The following ALK variants were observed in gnomAD, a reference collection of about 807,000 sequenced individuals.
The protein encoded by ALK is ALK receptor tyrosine kinase.
ALK carries 74 observed loss-of-function variants against 163.1 expected under a neutral mutation model. The ratio of observed to expected loss-of-function variants is 0.45; its 90% confidence interval spans 0.38 to 0.55. The LOEUF (loss-of-function observed/expected upper bound fraction) is 0.55, where lower values mean the gene tolerates loss of function less well. Ranked by LOEUF, ALK falls within the 20% of genes least tolerant of loss-of-function variation. ALK has a pLI of 0.00. For missense variants in ALK, 2,063 were observed against 2,105.3 expected (o/e 0.98, Z 0.39); for synonymous variants, 960 against 843.2 (o/e 1.14, Z -2.40).
At chr2:29,222,164 T>G (rs1379124826) in intron 22 of ALK, among the ~76,000 whole-genome samples, 180 bp downstream of exon 22, 2 of 152,174 alleles carry the variant, frequency 1.3e-5, no homozygotes, top group African/African-American at 2.4e-5. Context: ...GAAACAACCA[T>G]CAAGGGTTGT....
intron 5 of ALK, among the ~76,000 whole-genome samples, chr2:29,370,613 CTTA>C (rs2148292709): frequency 6.6e-6 from 1 of 152,332 alleles, no homozygotes; most frequent in African/African-American, 2.4e-5. Flanking sequence ...AGACCACAGA[CTTA>C]TTATGACCAT....
At chr2:29,264,880 T>C (rs543035905) in intron 11 of ALK, among the ~76,000 whole-genome samples, 145 of 152,280 alleles carry the variant, frequency 9.5e-4, no homozygotes, top group African/African-American at 3.4e-3. Flanking sequence ...TACGCATGAT[T>C]GGAAGGGGTT....
At chr2:29,701,219 C>A (rs777697861) in intron 2 of ALK, among the ~76,000 whole-genome samples, 6 of 152,214 alleles carry the variant, frequency 3.9e-5, no homozygotes, top group Admixed American at 6.5e-5. Context: ...GATCAAGGCC[C>A]TTTATGCCTC....
intron 4 of ALK, among the ~76,000 whole-genome samples, chr2:29,429,485 T>C (rs1461671526): frequency 2.6e-5 from 4 of 152,020 alleles, no homozygotes; most frequent in African/African-American, 9.7e-5. Context: ...CTTTTTAGAA[T>C]AGTAGCATAA....
chr2:29,324,745 C>T (rs1211789168), intron 6 of ALK, among the ~76,000 whole-genome samples: 2 of 152,186 alleles, frequency 1.3e-5, no homozygotes, highest in African/African-American at 4.8e-5. Context: ...AGACCCCCTT[C>T]AGTGCATTAC....
At chr2:29,334,602 G>A (rs911947038) in intron 5 of ALK, among the ~76,000 whole-genome samples, 1 of 152,318 alleles carries the variant, frequency 6.6e-6, no homozygotes, top group East Asian at 1.9e-4. Context: ...AGCCAGTGTG[G>A]CTTCCACTCT....
At chr2:29,679,305 T>C (rs1246942456) in intron 3 of ALK, among the ~76,000 whole-genome samples, 2 of 151,916 alleles carry the variant, frequency 1.3e-5, no homozygotes, top group African/African-American at 4.8e-5. Flanking sequence ...TTTTATGTAG[T>C]CTGACAATCT....
intron 3 of ALK, among the ~76,000 whole-genome samples, chr2:29,656,106 G>T (rs1390763723): frequency 6.6e-6 from 1 of 151,976 alleles, no homozygotes; most frequent in Admixed American, 6.6e-5. Context: ...TTGATTGCAG[G>T]GCTGTGTGTG....
intron 4 of ALK, among the ~76,000 whole-genome samples, chr2:29,525,938 A>C (rs1672948237): frequency 6.6e-6 from 1 of 152,138 alleles, no homozygotes; most frequent in Non-Finnish European, 1.5e-5. Flanking sequence ...GCATTTTAGT[A>C]GTTGCTTCAA....
chr2:29,262,720 C>T (rs1460424780), intron 11 of ALK, among the ~76,000 whole-genome samples: 2 of 152,316 alleles, frequency 1.3e-5, no homozygotes, highest in Admixed American at 6.5e-5. Context: ...GAGGGACTTC[C>T]GAGTGAGCTT....
chr2:29,558,646 C>A (rs1332797077), intron 3 of ALK, among the ~76,000 whole-genome samples: 2 of 152,112 alleles, frequency 1.3e-5, no homozygotes, highest in African/African-American at 4.8e-5. Context: ...ACTTTTCCAA[C>A]TTCCTCAAGC....
intron 3 of ALK, among the ~76,000 whole-genome samples, chr2:29,662,977 G>C (rs549550172): frequency 6.6e-6 from 1 of 152,278 alleles, no homozygotes; most frequent in East Asian, 1.9e-4. Context: ...CTCAAGAGCT[G>C]TTTGATGATT....
At chr2:29,649,138 C>T (rs1676966509) in intron 3 of ALK, among the ~76,000 whole-genome samples, 1 of 150,634 alleles carries the variant, frequency 6.6e-6, no homozygotes. Flanking sequence ...TTGTGTATGC[C>T]TTTTATAGTG....
chr2:29,499,370 G>A (rs1009659464), intron 4 of ALK, among the ~76,000 whole-genome samples: 5 of 152,030 alleles, frequency 3.3e-5, no homozygotes, highest in African/African-American at 1.2e-4. Flanking sequence ...TTAATTTTTT[G>A]TATTTTTAGT....
At chr2:29,224,827 C>T (rs1434107150) in intron 19 of ALK, 2 of 216,744 alleles carry the variant, frequency 9.2e-6, no homozygotes, top group African/African-American at 4.5e-5. Context: ...CGGCAGATCC[C>T]TTTGCCTGCA....
chr2:29,668,921 G>A (rs1447804879), intron 3 of ALK, among the ~76,000 whole-genome samples: 3 of 152,040 alleles, frequency 2.0e-5, no homozygotes, highest in Admixed American at 1.3e-4. Context: ...TTTACGCTAT[G>A]TAAGACTTAT....
intron 1 of ALK, among the ~76,000 whole-genome samples, chr2:29,800,330 C>G (rs957930077): frequency 1.3e-5 from 2 of 152,216 alleles, no homozygotes; most frequent in African/African-American, 4.8e-5. Flanking sequence ...AGCACAGAAA[C>G]AAATCCTTGC....
chr2:29,901,574 G>A (rs1667415126), intron 1 of ALK, among the ~76,000 whole-genome samples: 1 of 152,174 alleles, frequency 6.6e-6, no homozygotes, highest in East Asian at 1.9e-4. Flanking sequence ...TTATCTGATT[G>A]CATTATTGGC....
chr2:29,779,118 T>C (rs959129545), intron 1 of ALK, among the ~76,000 whole-genome samples: 1 of 151,636 alleles, frequency 6.6e-6, no homozygotes, highest in East Asian at 1.9e-4. Context: ...ATCGTGCCAC[T>C]GCACTCCAAC....
Sources: gnomAD v4.1 joint callset for allele counts (sites outside exome capture counted in the v4.1 genomes callset) on GRCh38, gnomAD v4.1.1 for gene constraint, MANE v1.5 for transcripts, NCBI Gene and HGNC (gene_info 2026-07-23, HGNC 2026-07-21) for gene names.